The following FRYL variants were observed in gnomAD, a reference collection of about 807,000 sequenced individuals.
The protein encoded by FRYL is FRY like transcription coactivator.
Under a neutral mutation model 351.2 loss-of-function variants are expected in FRYL, and 150 were observed. The ratio of observed to expected loss-of-function variants is 0.43; its 90% CI spans 0.37 to 0.49. The LOEUF (loss-of-function observed/expected upper bound fraction) is 0.49, where lower values mean the gene tolerates loss of function less well. FRYL is among the 20% of genes least tolerant of loss of function. The pLI is 0.00. For missense variants in FRYL, 3,036 were observed against 3,619.3 expected, an observed-to-expected ratio of 0.84 and a Z score of 4.13; for synonymous variants, 1,153 against 1,257.1, an observed-to-expected ratio of 0.92 and a Z score of 1.75.
chr4:48,572,271 A>G (rs1445453000), intron 26 of FRYL, among the ~76,000 whole-genome samples: 1 of 152,182 alleles, frequency 6.6e-6, no homozygotes, highest in Non-Finnish European at 1.5e-5. Context: ...AGGAGTCTAA[A>G]ATTTTTAGCA....
In FRYL at chr4:48,557,086, C is replaced by T; in HGVS notation, c.4158G>A (p.Glu1386=). The change falls in exon 35 of 64, where the codon GAG becomes GAA. Residue 1386 remains glutamate (E), a synonymous_variant. Transcript: ENST00000358350. Reference sequence around the variant, plus strand: ...CATCTGCAAGTGTGGTCCACACATTCTCCACCTCCGACCAGGCCAGTTCAT... The same window carrying T: ...CATCTGCAAGTGTGGTCCACACATTTTCCACCTCCGACCAGGCCAGTTCAT... ...YGDELAWSEV[E]NVWTTLADGW... is the part of the protein sequence containing the mutation. 13 of 1,605,180 alleles carry T rather than the reference C, an allele frequency of 8.1e-6. No homozygotes were observed. The highest frequency in any genetic ancestry group is 1.0e-5 in the Non-Finnish European group (12 of 1,175,662).
intron 40 of FRYL, 28 bp downstream of exon 40, chr4:48,548,662 G>T (rs775377137): frequency 8.5e-6 from 10 of 1,176,304 alleles, no homozygotes; most frequent in Non-Finnish European, 1.3e-5. Context: ...AATATAACAT[G>T]AAAGAATTAG....
chr4:48,743,638 C>T (rs750711110), intron 1 of FRYL, among the ~76,000 whole-genome samples: 1 of 152,138 alleles, frequency 6.6e-6, no homozygotes, highest in Non-Finnish European at 1.5e-5. Flanking sequence ...CCATGGTACC[C>T]ACATGTTTGG....
chr4:48,631,884 T>G (rs934672671), intron 4 of FRYL, among the ~76,000 whole-genome samples: 21 of 149,614 alleles, frequency 1.4e-4, no homozygotes, highest in Non-Finnish European at 1.9e-4. Flanking sequence ...TGAGATCTCA[T>G]CTCTACAAAA....
At chr4:48,503,582 T>C (rs1172809370) in intron 60 of FRYL, among the ~76,000 whole-genome samples, 1 of 152,250 alleles carries the variant, frequency 6.6e-6, no homozygotes, top group Non-Finnish European at 1.5e-5. Flanking sequence ...TTGGATCTGG[T>C]CTCTTACGAG....
At chr4:48,715,500 T>C (rs1017596224) in intron 1 of FRYL, among the ~76,000 whole-genome samples, 2 of 151,390 alleles carry the variant, frequency 1.3e-5, no homozygotes, top group African/African-American at 4.8e-5. Context: ...GAGAGCCAAA[T>C]CATGAGTGAA....
At chr4:48,779,455 G>A (rs1776393674) in intron 1 of FRYL, among the ~76,000 whole-genome samples, 1 of 152,140 alleles carries the variant, frequency 6.6e-6, no homozygotes, top group African/African-American at 2.4e-5. Flanking sequence ...CGAGCAGTGG[G>A]CGGAGAGACC....
intron 57 of FRYL, 63 bp from the exon 58 acceptor site, chr4:48,511,047 G>A: frequency 1.8e-6 from 2 of 1,102,186 alleles, no homozygotes; most frequent in Non-Finnish European, 1.3e-6. Flanking sequence ...TCATCTTTAA[G>A]TAAAGAAGCA....
intron 3 of FRYL, among the ~76,000 whole-genome samples, chr4:48,671,541 C>A (rs1377603648): frequency 6.6e-6 from 1 of 152,046 alleles, no homozygotes; most frequent in Non-Finnish European, 1.5e-5. Context: ...ATAGCGCATG[C>A]CTGTAACCCC....
intron 62 of FRYL, 64 bp from the exon 63 acceptor site, chr4:48,500,284 A>G: frequency 1.0e-6 from 1 of 984,000 alleles, no homozygotes; most frequent in South Asian, 1.8e-5. Context: ...TTAGTTGGCT[A>G]CAAGAATATA....
chr4:48,546,676 A>G (rs1440161010), intron 41 of FRYL: 2 of 191,066 alleles, frequency 1.0e-5, no homozygotes, highest in South Asian at 1.0e-4. Context: ...AGAAAGGCTC[A>G]TCTATCTGAA....
At position 48,677,428 on chromosome 4, in the gene FRYL, TGA is replaced by T. The variant is rs769462260; in HGVS notation, c.-81+7243_-81+7244del. Among the ~76,000 whole-genome samples, 39 of 152,108 alleles carry T rather than the reference TGA, an allele frequency of 2.6e-4. No individual in the cohort carries two copies. The East Asian group carries it at 6.8e-3, about 26-fold the overall frequency. Reference sequence around the variant, plus strand: ...GTGTGTGTGTTTTTGTTTTTTTTTTTGAGACAGAGTCTCTCTCTGTTGCCCAG... The same window carrying T: ...GTGTGTGTGTTTTTGTTTTTTTTTTTGACAGAGTCTCTCTCTGTTGCCCAG... On this transcript the variant is annotated intron_variant, in intron 3 of 63. Transcript: ENST00000358350.
intron 2 of FRYL, among the ~76,000 whole-genome samples, chr4:48,705,778 T>G (rs536407561): frequency 8.5e-5 from 13 of 152,288 alleles, no homozygotes; most frequent in African/African-American, 2.9e-4. Context: ...GTATAGTATT[T>G]CTGAGAGCAG....
intron 3 of FRYL, among the ~76,000 whole-genome samples, chr4:48,648,481 C>A (rs1756990506): frequency 6.6e-6 from 1 of 152,128 alleles, no homozygotes; most frequent in Non-Finnish European, 1.5e-5. Flanking sequence ...TCCTTCAGAT[C>A]TTCCTAAAGT....
chr4:48,684,484 G>C lies in FRYL; in HGVS notation c.-81+189C>G, dbSNP rs554041920. ...CTGACAGGATCTATAAGGAGGAAATGCCACAAAGCCTTGTTTACATGGTGA... is the reference window on the plus strand; with the variant it reads ...CTGACAGGATCTATAAGGAGGAAATCCCACAAAGCCTTGTTTACATGGTGA... On this transcript the variant is annotated intron_variant, in intron 3 of 63. Coordinates refer to ENST00000358350, the MANE Select transcript of FRYL (RefSeq NM_015030.2). Among the ~76,000 whole-genome samples the C allele has an allele frequency of 2.6e-5, 4 of 152,270 alleles. No individual in the cohort carries two copies. In the East Asian group the frequency reaches 7.7e-4, roughly 29 times the overall value.
intron 1 of FRYL, among the ~76,000 whole-genome samples, chr4:48,732,251 G>T (rs562953121): frequency 1.3e-5 from 2 of 152,256 alleles, no homozygotes; most frequent in South Asian, 4.1e-4. Flanking sequence ...AGTTAGAATG[G>T]TGATCATTAA....
At chr4:48,761,048 T>C (rs1352305017) in intron 1 of FRYL, among the ~76,000 whole-genome samples, 1 of 147,012 alleles carries the variant, frequency 6.8e-6, no homozygotes, top group Non-Finnish European at 1.5e-5. Flanking sequence ...TGTGTGTGTG[T>C]GTTGAAGAGG....
chr4:48,529,793 T>C (rs1727123753), intron 50 of FRYL, among the ~76,000 whole-genome samples: 1 of 151,986 alleles, frequency 6.6e-6, no homozygotes, highest in Non-Finnish European at 1.5e-5. Flanking sequence ...GCACCAAGAG[T>C]GGGCTCAGGT....
intron 3 of FRYL, among the ~76,000 whole-genome samples, chr4:48,639,339 T>C (rs1197319716): frequency 6.6e-6 from 1 of 152,014 alleles, no homozygotes; most frequent in Non-Finnish European, 1.5e-5. Flanking sequence ...AAGAATAGAC[T>C]AACTGATCAA....
Sources: allele counts gnomAD v4.1 joint callset (sites outside exome capture counted in the v4.1 genomes callset), GRCh38; gene constraint gnomAD v4.1.1; transcripts MANE v1.5; gene names NCBI Gene and HGNC (gene_info 2026-07-23, HGNC 2026-07-21).